STAB2: variants seen among roughly 807,000 people sequenced by gnomAD.
STAB2 encodes stabilin 2.
A neutral mutation model predicts 338.1 loss-of-function variants in STAB2; 288 were observed. The ratio of observed to expected loss-of-function variants is 0.85; its 90% confidence interval spans 0.77 to 0.94. The LOEUF is 0.94. STAB2 is among the 40% of genes least tolerant of loss of function. The pLI is 0.00. For synonymous variants in STAB2, 1,202 were observed against 1,193.3 expected, an observed-to-expected ratio of 1.01 and a Z score of -0.15; for missense variants, 3,141 against 3,210.1, an observed-to-expected ratio of 0.98 and a Z score of 0.52.
chr12:103,589,272 A>G (rs1280888855), intron 1 of STAB2, among the ~76,000 whole-genome samples: 3 of 152,214 alleles, frequency 2.0e-5, no homozygotes, highest in African/African-American at 7.2e-5. Context: ...CCCGTGGATG[A>G]GCTGTGGGAT....
At chr12:103,667,474 A>AT (rs1875229469) in intron 19 of STAB2, among the ~76,000 whole-genome samples, 2 of 152,274 alleles carry the variant, frequency 1.3e-5, no homozygotes, top group African/African-American at 2.4e-5. Context: ...CTGATGTGGC[A>AT]GAACCATGAT....
At chr12:103,735,427 C>A in intron 51 of STAB2, 64 bp from the exon 52 acceptor site, 1 of 1,265,244 alleles carries the variant, frequency 7.9e-7, no homozygotes. Context: ...TGGTAAAGCT[C>A]CTTCGGGCCG....
At chr12:103,676,051 C>G (rs750984517) in intron 24 of STAB2, 30 bp downstream of exon 24, 3 of 1,275,712 alleles carry the variant, frequency 2.4e-6, no homozygotes, top group Admixed American at 5.1e-5. Context: ...TCCACCCTGC[C>G]TGGTTTCTTT....
intron 9 of STAB2, among the ~76,000 whole-genome samples, chr12:103,642,522 C>A (rs1873001951): frequency 6.6e-6 from 1 of 152,170 alleles, no homozygotes; most frequent in Non-Finnish European, 1.5e-5. Context: ...CCCAAGAGTC[C>A]TTTCCAAGGC....
At chr12:103,740,908 C>G (rs1882533850) in intron 55 of STAB2, 152 bp downstream of exon 55, 2 of 1,159,682 alleles carry the variant, frequency 1.7e-6, no homozygotes, top group Non-Finnish European at 2.3e-6. Flanking sequence ...AGTTGTGTAT[C>G]ATTCCTTCTA....
At chr12:103,739,563 G>GCCCA in intron 54 of STAB2, 95 bp downstream of exon 54, 61 of 889,278 alleles carry the variant, frequency 6.9e-5, no homozygotes, top group Middle Eastern at 2.8e-4. Flanking sequence ...GTGTGTGTGT[G>GCCCA]TGTGTGTGTG....
chr12:103,655,500 A>G lies in STAB2; in HGVS notation c.1653A>G (p.Gly551=). The G allele has an allele frequency of 6.2e-7, 1 of 1,614,076 alleles. No homozygotes were observed. Among genetic ancestry groups the G allele is most frequent in the Non-Finnish European group, 8.5e-7 (1 of 1,180,016 alleles). Residue 551 remains glycine, a synonymous_variant, in exon 15 of 69, where the codon GGA becomes GGG. Coordinates refer to ENST00000388887, the MANE Select transcript of STAB2 (RefSeq NM_017564.10). ...GHALDEDGVG[G]PYTIFVPNNE... ...CCTTAGATGAGGATGGAGTTGGTGG[A>G]CCATACACCATTTTTGTTCCAAATA...
At chr12:103,668,442 T>C (rs945229600) in intron 19 of STAB2, 1 of 570,026 alleles carries the variant, frequency 1.8e-6, no homozygotes, top group Admixed American at 2.8e-5. Flanking sequence ...CTCTGGCCTG[T>C]ATTCCACCAA....
At chr12:103,744,386 A>C (rs1237483175) in intron 56 of STAB2, among the ~76,000 whole-genome samples, 1 of 151,626 alleles carries the variant, frequency 6.6e-6, no homozygotes, top group Non-Finnish European at 1.5e-5. Flanking sequence ...TCCTGGCCTC[A>C]AGCAATCCTC....
Position 103,690,441 on chromosome 12 carries a change from G to A in STAB2, c.3200G>A (p.Gly1067Asp), listed in dbSNP as rs1566018337. Residue 1067 changes from glycine (G) to aspartate (D), a missense_variant, in exon 30 of 69, where the codon GGC becomes GAC. By Grantham distance (94) the Gly-to-Asp change is moderately conservative (BLOSUM62 -1). Transcript: ENST00000388887. ...PALIKYHMLL[G>D]TYRVADLQTL... ...TGTTTCAGGTACCATATGCTACTAG[G>A]CACATACAGAGTGGCAGATCTGCAG... is the stretch of plus-strand genomic sequence containing the variant. The A allele has an allele frequency of 1.2e-6, 2 of 1,613,898 alleles. No homozygotes were observed. Among genetic ancestry groups the A allele is most frequent in the Non-Finnish European group, 1.7e-6 (2 of 1,179,846 alleles).
chr12:103,759,368 C>T (rs1236389855), intron 65 of STAB2, 95 bp downstream of exon 65: 4 of 1,495,908 alleles, frequency 2.7e-6, no homozygotes, highest in Non-Finnish European at 3.6e-6. Flanking sequence ...AACTATTATG[C>T]AAACATAAAC....
At chr12:103,673,325 G>T (rs1425194920) in intron 22 of STAB2, among the ~76,000 whole-genome samples, 1 of 151,878 alleles carries the variant, frequency 6.6e-6, no homozygotes. Flanking sequence ...TAGATAAAAA[G>T]GAGTTCTTTT....
intron 68 of STAB2, among the ~76,000 whole-genome samples, chr12:103,765,684 G>A (rs1297791409): frequency 6.6e-6 from 1 of 152,136 alleles, no homozygotes; most frequent in Non-Finnish European, 1.5e-5. Context: ...CCGAGTAGCT[G>A]GGCCTACAGG....
chr12:103,703,061 A>G, intron 34 of STAB2, 87 bp from the exon 35 acceptor site: 1 of 1,423,770 alleles, frequency 7.0e-7, no homozygotes. Flanking sequence ...CTCCTAGGCA[A>G]TTGTCCTATT....
chr12:103,676,084 C>T, intron 24 of STAB2, 63 bp downstream of exon 24: 2 of 862,852 alleles, frequency 2.3e-6, no homozygotes, highest in Non-Finnish European at 3.2e-6. Flanking sequence ...TTTTTTGAGA[C>T]AGAGTCTCGC....
intron 19 of STAB2, among the ~76,000 whole-genome samples, chr12:103,667,636 T>G (rs896146913): frequency 6.6e-6 from 1 of 152,194 alleles, no homozygotes; most frequent in African/African-American, 2.4e-5. Flanking sequence ...CACACCTGGT[T>G]AATTATCCTG....
chr12:103,694,080 C>T (rs1878193544), intron 31 of STAB2, among the ~76,000 whole-genome samples: 1 of 152,112 alleles, frequency 6.6e-6, no homozygotes, highest in African/African-American at 2.4e-5. Context: ...AGCTCCTTCT[C>T]TATCTGTCAA....
At chr12:103,725,762 T>C (rs1193456527) in intron 45 of STAB2, among the ~76,000 whole-genome samples, 3 of 152,248 alleles carry the variant, frequency 2.0e-5, no homozygotes, top group East Asian at 3.8e-4. Flanking sequence ...GGGACAAAAA[T>C]GTTCCGGCTG....
chr12:103,604,875 G>C (rs549975659), intron 3 of STAB2, among the ~76,000 whole-genome samples: 1 of 150,776 alleles, frequency 6.6e-6, no homozygotes, highest in Non-Finnish European at 1.5e-5. Context: ...TCTTCTGCTT[G>C]CTTGGGTTTC....
Sources: gnomAD v4.1 joint callset for allele counts (sites outside exome capture counted in the v4.1 genomes callset) on GRCh38, gnomAD v4.1.1 for gene constraint, MANE v1.5 for transcripts, NCBI Gene and HGNC (gene_info 2026-07-23, HGNC 2026-07-21) for gene names.